ENOX1: variants seen among roughly 807,000 people sequenced by gnomAD.
ENOX1 encodes the protein candidate growth-related and time keeping constitutive hydroquinone (NADH) oxidase.
Under a neutral mutation model 82.5 loss-of-function variants are expected in ENOX1, and 42 were observed. That is an observed-to-expected ratio of 0.51 (90% CI 0.40 to 0.66). The LOEUF (loss-of-function observed/expected upper bound fraction) is 0.66. Ranked by LOEUF, ENOX1 falls within the 30% of genes least tolerant of loss-of-function variation. ENOX1 has a pLI of 0.00. For synonymous variants in ENOX1, 271 were observed against 282.2 expected, an observed-to-expected ratio of 0.96 and a Z score of 0.40; for missense variants, 608 against 811.6, an observed-to-expected ratio of 0.75 and a Z score of 3.05.
intron 11 of ENOX1, 32 bp from the exon 12 acceptor site, chr13:43,298,562 C>A: frequency 6.4e-7 from 1 of 1,571,040 alleles, no homozygotes; most frequent in Middle Eastern, 2.2e-4. Flanking sequence ...TTCAGGTGAG[C>A]TACCTTCTTG....
At chr13:43,525,339 C>T (rs185853611) in intron 2 of ENOX1, among the ~76,000 whole-genome samples, 1 of 152,138 alleles carries the variant, frequency 6.6e-6, no homozygotes, top group Admixed American at 6.6e-5. Context: ...CTAGGTACTT[C>T]ATATAAATGG....
At chr13:43,607,231 C>T (rs1025819793) in intron 2 of ENOX1, among the ~76,000 whole-genome samples, 2 of 151,780 alleles carry the variant, frequency 1.3e-5, no homozygotes, top group African/African-American at 2.4e-5. Flanking sequence ...TGTACACTTG[C>T]TACGTAACCA....
intron 3 of ENOX1, among the ~76,000 whole-genome samples, chr13:43,416,586 C>T (rs1426532945): frequency 1.3e-5 from 2 of 150,380 alleles, no homozygotes; most frequent in Non-Finnish European, 3.0e-5. Context: ...GGCAGCCGGG[C>T]AGAGGCGCTC....
chr13:43,719,634 A>C (rs1016241341), intron 1 of ENOX1, among the ~76,000 whole-genome samples: 40 of 152,088 alleles, frequency 2.6e-4, no homozygotes, highest in African/African-American at 9.4e-4. Flanking sequence ...AAGATATCCA[A>C]AGGAACTAAC....
At chr13:43,243,152 A>G (rs901400415) in intron 14 of ENOX1, among the ~76,000 whole-genome samples, 45 of 151,886 alleles carry the variant, frequency 3.0e-4, no homozygotes, top group Middle Eastern at 6.8e-3. Context: ...AAAAAAAAAA[A>G]AAAAAAATCT....
chr13:43,462,300 T>C (rs1350403327), intron 3 of ENOX1, among the ~76,000 whole-genome samples: 3 of 152,240 alleles, frequency 2.0e-5, no homozygotes, highest in Non-Finnish European at 4.4e-5. Context: ...CCATTTGTCT[T>C]TGCCTACGAA....
At chr13:43,772,274 G>A (rs1951678111) in intron 1 of ENOX1, among the ~76,000 whole-genome samples, 1 of 152,084 alleles carries the variant, frequency 6.6e-6, no homozygotes, top group South Asian at 2.1e-4. Flanking sequence ...ACTCAAAGAA[G>A]ATAATCTAAA....
At chr13:43,487,824 T>C (rs1346334981) in intron 2 of ENOX1, among the ~76,000 whole-genome samples, 1 of 152,238 alleles carries the variant, frequency 6.6e-6, no homozygotes, top group Admixed American at 6.5e-5. Flanking sequence ...AAAATGATGG[T>C]GGCTATAATT....
chr13:43,657,088 A>C (rs1486409546), intron 2 of ENOX1, among the ~76,000 whole-genome samples: 3 of 151,868 alleles, frequency 2.0e-5, no homozygotes, highest in African/African-American at 7.3e-5. Context: ...CATAGTCCAC[A>C]GTTGTATAGT....
At chr13:43,581,399 T>C (rs955849235) in intron 2 of ENOX1, among the ~76,000 whole-genome samples, 4 of 152,130 alleles carry the variant, frequency 2.6e-5, no homozygotes, top group Admixed American at 6.5e-5. Flanking sequence ...CCCAAAGTGC[T>C]GGGATTACAG....
At chr13:43,420,035 A>G (rs2054881273) in intron 3 of ENOX1, among the ~76,000 whole-genome samples, 1 of 152,214 alleles carries the variant, frequency 6.6e-6, no homozygotes, top group African/African-American at 2.4e-5. Context: ...TTCTTATTTT[A>G]TAAGAACTCT....
intron 2 of ENOX1, among the ~76,000 whole-genome samples, chr13:43,620,194 G>A (rs955367207): frequency 1.3e-5 from 2 of 151,788 alleles, no homozygotes; most frequent in African/African-American, 4.8e-5. Flanking sequence ...TCTTTTCAAA[G>A]AACCGGCTTT....
In ENOX1 at chr13:43,335,747, C is replaced by T. The variant is rs188786033; in HGVS notation, c.1036+8791G>A. On this transcript the variant is annotated intron_variant, in intron 9 of 16. Coordinates refer to ENST00000690772, the MANE Select transcript of ENOX1 (RefSeq NM_001347969.2). ...TTTGACTCAGTGTATATATTTTCCA[C>T]GAGACTGAAAGGAAGGATACCAAAA... Among the ~76,000 whole-genome samples the T allele has an allele frequency of 1.3e-4, 18 of 139,706 alleles. No homozygotes were observed. The South Asian group carries it at 3.6e-3, about 28-fold the overall frequency. The allele number at this position is 139,706 out of a possible 152,430, so 91.7% of individuals were successfully genotyped here. A position where few individuals can be genotyped will look rare whatever the true frequency, so the allele number is the denominator to read the frequency against.
At chr13:43,332,987 T>C (rs1157051733) in intron 9 of ENOX1, among the ~76,000 whole-genome samples, 1 of 152,192 alleles carries the variant, frequency 6.6e-6, no homozygotes, top group Non-Finnish European at 1.5e-5. Flanking sequence ...GTTATGCATA[T>C]AGTACAAACA....
chr13:43,251,704 G>C (rs2043465331), intron 14 of ENOX1, among the ~76,000 whole-genome samples: 2 of 152,148 alleles, frequency 1.3e-5, no homozygotes, highest in African/African-American at 4.8e-5. Flanking sequence ...TGGAGAAGCT[G>C]AGTTATCAAT....
chr13:43,221,394 A>G (rs1180347694), intron 16 of ENOX1, among the ~76,000 whole-genome samples: 5 of 152,204 alleles, frequency 3.3e-5, no homozygotes, highest in Non-Finnish European at 4.4e-5. Flanking sequence ...TGGGGCTGAC[A>G]TGGGAGATTC....
At chr13:43,414,929 G>T (rs1020341697) in intron 3 of ENOX1, among the ~76,000 whole-genome samples, 3 of 152,118 alleles carry the variant, frequency 2.0e-5, no homozygotes, top group Non-Finnish European at 4.4e-5. Context: ...CACTGTTTTA[G>T]GGATGGCTTT....
intron 3 of ENOX1, among the ~76,000 whole-genome samples, chr13:43,445,865 G>A (rs2056625169): frequency 6.6e-6 from 1 of 152,138 alleles, no homozygotes; most frequent in Admixed American, 6.5e-5. Context: ...GCTAAGCTCT[G>A]GCTCCTCACT....
intron 1 of ENOX1, among the ~76,000 whole-genome samples, chr13:43,753,123 C>G (rs1014537069): frequency 2.0e-5 from 3 of 152,116 alleles, no homozygotes; most frequent in South Asian, 2.1e-4. Flanking sequence ...ACCTCTCAAA[C>G]TGCTGGGATT....
Sources: allele counts gnomAD v4.1 joint callset (sites outside exome capture counted in the v4.1 genomes callset), GRCh38; gene constraint gnomAD v4.1.1; transcripts MANE v1.5; gene names NCBI Gene and HGNC (gene_info 2026-07-23, HGNC 2026-07-21).